TMEM119: variants seen among roughly 807,000 people sequenced by gnomAD.
The protein encoded by TMEM119 is osteoblast induction factor.
For synonymous variants in TMEM119, 182 were observed against 176.4 expected, an observed-to-expected ratio of 1.03 and a Z score of -0.25; for missense variants, 410 against 381.0, an observed-to-expected ratio of 1.08 and a Z score of -0.63.
intron 1 of TMEM119, among the ~76,000 whole-genome samples, chr12:108,595,865 C>G (rs1303047020): frequency 6.6e-6 from 1 of 152,196 alleles, no homozygotes; most frequent in East Asian, 1.9e-4. Context: ...CTCCCTGCCT[C>G]CCACCCCCAG....
At chr12:108,593,517 T>TGCCA (rs1297693735) in intron 1 of TMEM119, among the ~76,000 whole-genome samples, 15 of 151,352 alleles carry the variant, frequency 9.9e-5, no homozygotes. Context: ...GGGTCATGGA[T>TGCCA]GCCAGGGGCA....
Position 108,591,892 on chromosome 12 carries a change from T to G in TMEM119, c.492A>C (p.Glu164Asp), listed in dbSNP as rs2031409336. ...GGAGCTGCCGGGAGGAATCCAGGGC[T>G]TCCTCGGGCCTGCTGTCGGGGGCTC... ...PDRAPDSRPE[E>D]ALDSSRQLQA... is the part of the protein sequence containing the mutation. The change falls in exon 2 of 2, where the codon GAA becomes GAC. Residue 164 changes from glutamate (E) to aspartate (D), a missense_variant. Physicochemically the swap from Glu to Asp is conservative, Grantham distance 45 (BLOSUM62 2). Transcript: ENST00000392806. This position sits in a 1 kb window ranked among gnomAD's most constrained non-coding sequence, Gnocchi z 4.2. 6.2e-7 allele frequency: 1 copy of G among 1,611,790 alleles called. No individual in the cohort carries two copies. The highest frequency in any genetic ancestry group is 1.3e-5 in the African/African-American group (1 of 74,950).
chr12:108,592,022 T>C lies in TMEM119; in HGVS notation c.362A>G (p.Lys121Arg), dbSNP rs755752297. The C allele has an allele frequency of 6.2e-5, 100 of 1,614,012 alleles. No homozygotes were observed. Among genetic ancestry groups the C allele is most frequent in the Admixed American group, 1.0e-4 (6 of 60,006 alleles). ...TGGGTAATAGGCCGAGGCCTTCTGCTTCTGCCGGGTGATGACCGCGGCACA... is the reference window on the plus strand; with the variant it reads ...TGGGTAATAGGCCGAGGCCTTCTGCCTCTGCCGGGTGATGACCGCGGCACA... ...IVCAAVITRQ[K>R]QKASAYYPSS... is the part of the protein sequence containing the mutation. The change falls in exon 2 of 2, where the codon AAG becomes AGG. Residue 121 changes from lysine (K) to arginine (R), a missense_variant. Transcript: ENST00000392806. This position sits in a 1 kb window ranked among gnomAD's most constrained non-coding sequence, Gnocchi z 4.3.
In TMEM119 at chr12:108,592,153, T is replaced by C. The variant is rs1296151194; in HGVS notation, c.231A>G (p.Pro77=). The change falls in exon 2 of 2, where the codon CCA becomes CCG. Residue 77 remains proline, a synonymous_variant. Coordinates refer to ENST00000392806, the MANE Select transcript of TMEM119 (RefSeq NM_181724.3). The surrounding 1 kb of genome is among the most constrained non-coding windows in gnomAD (Gnocchi z 4.3). Reference sequence around the variant, plus strand: ...CATCCAGGAAGTTGGTGGGGGGTGATGGGCCCCCCAGGGTTATGGGCTGGG... The same window carrying C: ...CATCCAGGAAGTTGGTGGGGGGTGACGGGCCCCCCAGGGTTATGGGCTGGG... ...MGPQPITLGG[P]SPPTNFLDGI... 3 of 1,613,850 alleles carry C rather than the reference T, an allele frequency of 1.9e-6. No homozygotes were observed. The highest frequency in any genetic ancestry group is 1.7e-5 in the Admixed American group (1 of 60,008).
chr12:108,597,478 G>C (rs961985744), intron 1 of TMEM119, among the ~76,000 whole-genome samples: 4 of 146,914 alleles, frequency 2.7e-5, no homozygotes, highest in African/African-American at 9.8e-5. Flanking sequence ...CACACACACA[G>C]AGCAGCATGG....
intron 1 of TMEM119, among the ~76,000 whole-genome samples, chr12:108,595,487 A>G (rs1291898343): frequency 6.6e-6 from 1 of 151,014 alleles, no homozygotes; most frequent in Non-Finnish European, 1.5e-5. Context: ...CACCCCACAC[A>G]CAAACATGCA....
At chr12:108,595,768 G>C (rs2031495529) in intron 1 of TMEM119, among the ~76,000 whole-genome samples, 1 of 152,162 alleles carries the variant, frequency 6.6e-6, no homozygotes, top group African/African-American at 2.4e-5. Flanking sequence ...GCTAAATGAG[G>C]AAAGGACCCC....
Position 108,591,605 on chromosome 12 carries a change from G to A in TMEM119, c.779C>T (p.Ala260Val), listed in dbSNP as rs774230825. ...QGELEGSLLL[A>V]QEAQGPVGPP... ...ACCCACTGGTCCCTGGGCTTCCTGG[G>A]CTAACAAGAGAGACCCTTCCAGCTC... The change falls in exon 2 of 2, where the codon GCC (alanine) becomes GTC (valine). Residue 260 changes from alanine (A) to valine (V), a missense_variant. Ala to Val is a moderately conservative substitution (Grantham distance 64, BLOSUM62 0). Coordinates refer to ENST00000392806, the MANE Select transcript of TMEM119 (RefSeq NM_181724.3). The surrounding 1 kb of genome is among the most constrained non-coding windows in gnomAD (Gnocchi z 4.2). 1 of 1,613,856 alleles carries A rather than the reference G, an allele frequency of 6.2e-7. No homozygotes were observed. The highest frequency in any genetic ancestry group is 8.5e-7 in the Non-Finnish European group (1 of 1,179,922).
At chr12:108,595,219 C>A (rs955100299) in intron 1 of TMEM119, among the ~76,000 whole-genome samples, 1 of 151,900 alleles carries the variant, frequency 6.6e-6, no homozygotes, top group Non-Finnish European at 1.5e-5. Flanking sequence ...CATACATACA[C>A]ATGCACACTC....
Position 108,591,804 on chromosome 12 carries a change from C to T in TMEM119, c.580G>A (p.Gly194Arg), listed in dbSNP as rs1464866363. 1 of 1,593,938 alleles carries T rather than the reference C, an allele frequency of 6.3e-7. No homozygotes were observed. The highest frequency in any genetic ancestry group is 1.3e-5 in the African/African-American group (1 of 74,514). The change falls in exon 2 of 2, where the codon GGG (glycine) becomes AGG (arginine). Residue 194 changes from glycine (G) to arginine (R), a missense_variant. By Grantham distance (125) the Gly-to-Arg change is moderately radical. Transcript: ENST00000392806. The surrounding 1 kb of genome is among the most constrained non-coding windows in gnomAD (Gnocchi z 4.2). ...CCCTCCACCATCCTGGCTCCGTCCC[C>T]ACCGCCCAGTGCAGCCCTGGTGGGG... ...KSPTRAALGG[G>R]DGARMVEGRG...
chr12:108,592,501 C>A lies in TMEM119; in HGVS notation c.-14-104G>T. On this transcript the variant is annotated intron_variant, in intron 1 of 1. Transcript: ENST00000392806. This position sits in a 1 kb window ranked among gnomAD's most constrained non-coding sequence, Gnocchi z 4.3. Reference sequence around the variant, plus strand: ...AGGAGGAACAGGGAGCATGAAACACCTTCTAGCAAGTCCCTTCCATTCCCA... The same window carrying A: ...AGGAGGAACAGGGAGCATGAAACACATTCTAGCAAGTCCCTTCCATTCCCA... The A allele has an allele frequency of 1.6e-6, 2 of 1,281,966 alleles. No individual in the cohort carries two copies. Among genetic ancestry groups the A allele is most frequent in the Non-Finnish European group, 2.1e-6 (2 of 955,560 alleles). 79.4% of individuals were successfully genotyped at this position (1,281,966 alleles called of 1,614,324 possible). A position where few individuals can be genotyped will look rare whatever the true frequency, so the allele number is the denominator to read the frequency against.
At chr12:108,596,661 T>G (rs1304477642) in intron 1 of TMEM119, among the ~76,000 whole-genome samples, 2 of 152,192 alleles carry the variant, frequency 1.3e-5, no homozygotes, top group Non-Finnish European at 2.9e-5. Flanking sequence ...GCCCCTGCCC[T>G]CTCTGGGCCT....
chr12:108,589,918 G>A lies in TMEM119; in HGVS notation c.*1614C>T, dbSNP rs2031357701. The A allele has an allele frequency of 6.6e-6, 1 of 152,440 alleles. No individual in the cohort carries two copies. Among genetic ancestry groups the A allele is most frequent in the African/African-American group, 2.4e-5 (1 of 41,434 alleles). The allele number at this position is 152,440 out of a possible 1,614,324, so 9.4% of individuals were successfully genotyped here. A position where few individuals can be genotyped will look rare whatever the true frequency, so the allele number is the denominator to read the frequency against. ...ACCTGGAGAGCTGTGCAGAGGTTGG[G>A]GGAGCCCCAGATGGAGGGATGGGGG... On this transcript the variant is annotated 3_prime_UTR_variant, in exon 2 of 2. Transcript: ENST00000392806.
At position 108,596,826 on chromosome 12, in the gene TMEM119, A is replaced by G. The variant is rs142781481; in HGVS notation, c.-15+1144T>C. On this transcript the variant is annotated intron_variant, in intron 1 of 1. Transcript: ENST00000392806. Reference sequence around the variant, plus strand: ...CCCAACGCCTCTTGCTTCACCTTAGAGGTAACTCAGGTCCAGAGACTGGAA... The same window carrying G: ...CCCAACGCCTCTTGCTTCACCTTAGGGGTAACTCAGGTCCAGAGACTGGAA... Among the ~76,000 whole-genome samples the G allele has an allele frequency of 3.9e-3, 593 of 152,290 alleles. 2 individuals are homozygous for G. The highest frequency in any genetic ancestry group is 6.6e-3 in the Non-Finnish European group (452 of 68,024).
chr12:108,596,742 C>G (rs2031510925), intron 1 of TMEM119, among the ~76,000 whole-genome samples: 1 of 152,214 alleles, frequency 6.6e-6, no homozygotes, highest in African/African-American at 2.4e-5. Context: ...TACCTCCCCC[C>G]GGACCCTAAT....
intron 1 of TMEM119, among the ~76,000 whole-genome samples, chr12:108,597,197 G>C (rs1343587222): frequency 6.6e-6 from 1 of 152,172 alleles, no homozygotes; most frequent in Non-Finnish European, 1.5e-5. Flanking sequence ...CTGTGGAGGA[G>C]TGCAGATGCA....
intron 1 of TMEM119, among the ~76,000 whole-genome samples, chr12:108,595,079 GAGAC>G (rs2031481714): frequency 6.6e-6 from 1 of 152,028 alleles, no homozygotes; most frequent in African/African-American, 2.4e-5. Flanking sequence ...CAGAGGTTCA[GAGAC>G]AGACAGTGAC....
Position 108,591,824 on chromosome 12 carries a change from G to A in TMEM119, c.560C>T (p.Thr187Ile). The change falls in exon 2 of 2, where the codon ACC (threonine) becomes ATC (isoleucine). Residue 187 changes from threonine to isoleucine, a missense_variant. Thr to Ile is a moderately conservative substitution (Grantham distance 89, BLOSUM62 -1). Transcript: ENST00000392806. This position sits in a 1 kb window ranked among gnomAD's most constrained non-coding sequence, Gnocchi z 4.2. ...LAATQNLKSP[T>I]RAALGGGDGA... ...GTCCCCACCGCCCAGTGCAGCCCTG[G>A]TGGGGGACTTGAGGTTCTGGGTGGC... 2 of 1,600,184 alleles carry A rather than the reference G, an allele frequency of 1.2e-6. No individual in the cohort carries two copies. Among genetic ancestry groups the A allele is most frequent in the Non-Finnish European group, 1.7e-6 (2 of 1,173,508 alleles).
chr12:108,596,603 C>T (rs1369873584), intron 1 of TMEM119, among the ~76,000 whole-genome samples: 1 of 152,254 alleles, frequency 6.6e-6, no homozygotes, highest in Non-Finnish European at 1.5e-5. Flanking sequence ...CCCAGCCCCA[C>T]CTGCAGTCAG....
Sources: allele counts gnomAD v4.1 joint callset (sites outside exome capture counted in the v4.1 genomes callset), GRCh38; gene constraint gnomAD v4.1.1; non-coding constraint Gnocchi (gnomAD v3.1); transcripts MANE v1.5; gene names NCBI Gene and HGNC (gene_info 2026-07-23, HGNC 2026-07-21).